The following FRMD4A variants were observed in gnomAD, a reference collection of about 807,000 sequenced individuals.
The protein encoded by FRMD4A is FERM domain containing 4A, also known as FERM domain-containing protein 4A.
Under a neutral mutation model 129.1 loss-of-function variants are expected in FRMD4A, and 29 were observed. That is an observed-to-expected ratio of 0.22 (90% CI 0.17 to 0.31). The LOEUF is 0.31. FRMD4A is among the 10% of genes least tolerant of loss of function. The probability of loss-of-function intolerance (pLI) is 1.00; values close to 1 mark genes in which losing one functional copy is unlikely to be tolerated. For synonymous variants in FRMD4A, 634 were observed against 571.6 expected (o/e 1.11, Z -1.56); for missense variants, 1,272 against 1,375.8 (o/e 0.92, Z 1.19).
At chr10:13,755,329 T>A (rs779874082) in intron 8 of FRMD4A, among the ~76,000 whole-genome samples, 82 of 152,280 alleles carry the variant, frequency 5.4e-4, no homozygotes, top group Non-Finnish European at 8.7e-4. Flanking sequence ...TTATATTAAT[T>A]CACACATGGC....
At chr10:14,236,531 G>C (rs1276068037) in intron 2 of FRMD4A, among the ~76,000 whole-genome samples, 2 of 152,188 alleles carry the variant, frequency 1.3e-5, no homozygotes, top group South Asian at 2.1e-4. Flanking sequence ...GCCTGGGTCA[G>C]CTCTGCGGAT....
intron 2 of FRMD4A, among the ~76,000 whole-genome samples, chr10:13,913,260 G>C (rs963633337): frequency 1.3e-5 from 2 of 152,086 alleles, no homozygotes; most frequent in Admixed American, 6.5e-5. Context: ...AAGTAAATCA[G>C]TATTTTCCTA....
chr10:13,847,175 G>A (rs1176538240), intron 3 of FRMD4A, among the ~76,000 whole-genome samples: 1 of 152,196 alleles, frequency 6.6e-6, no homozygotes, highest in Non-Finnish European at 1.5e-5. Flanking sequence ...GGAATGATGG[G>A]CTTCGGTTGC....
chr10:14,257,667 C>T (rs931713127), intron 2 of FRMD4A, among the ~76,000 whole-genome samples: 4 of 152,094 alleles, frequency 2.6e-5, no homozygotes, highest in South Asian at 2.1e-4. Flanking sequence ...AACAGAGACA[C>T]GGAAACATAC....
At chr10:13,877,669 A>T (rs1180368251) in intron 2 of FRMD4A, among the ~76,000 whole-genome samples, 4 of 152,250 alleles carry the variant, frequency 2.6e-5, no homozygotes, top group Non-Finnish European at 5.9e-5. Flanking sequence ...TTCTGTTTAC[A>T]TAACCAAGTA....
In FRMD4A at chr10:14,317,890, C is replaced by T. The variant is rs72780845; in HGVS notation, c.45+12168G>A. 5.5e-3 allele frequency among the ~76,000 whole-genome samples: 837 copies of T among 152,114 alleles called. 18 individuals are homozygous for T. In the East Asian group the frequency reaches 0.058, roughly 11 times the overall value. On this transcript the variant is annotated intron_variant, in intron 2 of 24. Transcript: ENST00000357447. ...TAACTGTCCTGTCTAGATACAGAGT[C>T]TGAGTTTTAATGCATTTTCTTGCTA...
At chr10:13,884,170 ACACACT>A (rs1564971143) in intron 2 of FRMD4A, among the ~76,000 whole-genome samples, 17 of 61,026 alleles carry the variant, frequency 2.8e-4, no homozygotes, top group South Asian at 1.0e-3. Context: ...ACACACACTC[ACACACT>A]CACACACACA....
intron 2 of FRMD4A, among the ~76,000 whole-genome samples, chr10:13,886,835 C>A (rs945779848): frequency 6.6e-6 from 1 of 152,242 alleles, no homozygotes; most frequent in Middle Eastern, 3.4e-3. Flanking sequence ...CAACCAGGGT[C>A]CGGGGAGTGC....
intron 2 of FRMD4A, among the ~76,000 whole-genome samples, chr10:13,905,622 C>A (rs1482081100): frequency 1.3e-5 from 2 of 152,120 alleles, no homozygotes; most frequent in Non-Finnish European, 2.9e-5. Context: ...GAGTGCCATG[C>A]ACATTACACG....
chr10:13,971,735 A>G, intron 2 of FRMD4A: 1 of 1,304,380 alleles, frequency 7.7e-7, no homozygotes, highest in Non-Finnish European at 1.0e-6. Context: ...GCAGGTCCTC[A>G]GCGCCCGACA....
intron 3 of FRMD4A, among the ~76,000 whole-genome samples, chr10:13,852,521 A>C (rs570010131): frequency 1.3e-5 from 2 of 152,166 alleles, no homozygotes; most frequent in African/African-American, 2.4e-5. Context: ...CCACACCTGG[A>C]CCAAGATTTT....
intron 2 of FRMD4A, among the ~76,000 whole-genome samples, chr10:13,956,407 C>T (rs999379451): frequency 6.6e-6 from 1 of 152,234 alleles, no homozygotes; most frequent in Non-Finnish European, 1.5e-5. Context: ...CTGCCTTGGC[C>T]TCCCAAAGTG....
chr10:14,075,587 A>G (rs961682496), intron 2 of FRMD4A, among the ~76,000 whole-genome samples: 4 of 152,236 alleles, frequency 2.6e-5, no homozygotes, highest in African/African-American at 9.6e-5. Context: ...GAAATGGCTT[A>G]GATATGAAAG....
At chr10:13,955,770 C>T (rs1056986827) in intron 2 of FRMD4A, among the ~76,000 whole-genome samples, 8 of 152,160 alleles carry the variant, frequency 5.3e-5, no homozygotes, top group Non-Finnish European at 7.3e-5. Context: ...AAACTGTGTT[C>T]CATATGTGGA....
At chr10:14,105,169 G>A (rs772500989) in intron 2 of FRMD4A, among the ~76,000 whole-genome samples, 8 of 152,190 alleles carry the variant, frequency 5.3e-5, no homozygotes, top group Non-Finnish European at 7.3e-5. Context: ...GCTATAGGTC[G>A]TAGCTCTTTT....
intron 2 of FRMD4A, among the ~76,000 whole-genome samples, chr10:14,200,281 G>C (rs1392261267): frequency 2.7e-5 from 4 of 150,070 alleles, no homozygotes; most frequent in African/African-American, 4.9e-5. Flanking sequence ...ATTAGCACCT[G>C]ATAGTTTAAT....
intron 23 of FRMD4A, 61 bp downstream of exon 23, chr10:13,654,355 T>G (rs2081954386): frequency 9.5e-7 from 1 of 1,054,536 alleles, no homozygotes; most frequent in Admixed American, 1.7e-5. Context: ...GTCACCAGGA[T>G]CTGAACGTCT....
At chr10:14,180,423 C>T (rs1841876036) in intron 2 of FRMD4A, among the ~76,000 whole-genome samples, 1 of 152,136 alleles carries the variant, frequency 6.6e-6, no homozygotes, top group African/African-American at 2.4e-5. Flanking sequence ...GCGGTACAAG[C>T]AGAATTTTGA....
chr10:13,717,417 G>A lies in FRMD4A; in HGVS notation c.760-10304C>T, dbSNP rs141186907. 1.3e-3 allele frequency among the ~76,000 whole-genome samples: 193 copies of A among 152,182 alleles called. 1 individual carries two copies. In the East Asian group the frequency reaches 0.019, roughly 15 times the overall value. On this transcript the variant is annotated intron_variant, in intron 12 of 24. Transcript: ENST00000357447. ...CAACCTCTACTTCCCGGGTTCAAGC[G>A]ATTCTCCTGCCTCAGCCTCCCGAAT...
Sources: allele counts gnomAD v4.1 joint callset (sites outside exome capture counted in the v4.1 genomes callset), GRCh38; gene constraint gnomAD v4.1.1; transcripts MANE v1.5; gene names NCBI Gene and HGNC (gene_info 2026-07-23, HGNC 2026-07-21).